Variants in ANK3 observed in about 807,000 individuals in gnomAD.
ANK3 encodes the protein ankyrin 3.
A neutral mutation model predicts 370.9 loss-of-function variants in ANK3; 57 were observed. That is an observed-to-expected ratio of 0.15 (90% CI 0.12 to 0.19). The LOEUF (loss-of-function observed/expected upper bound fraction) is 0.19, where lower values mean the gene tolerates loss of function less well. ANK3 is among the 10% of genes least tolerant of loss of function. The pLI, the probability that ANK3 is intolerant of heterozygous loss-of-function variation, is 1.00. For synonymous variants in ANK3, 1,929 were observed against 1,946.3 expected (o/e 0.99, Z 0.23); for missense variants, 4,439 against 5,302.1 (o/e 0.84, Z 5.06).
At chr10:60,353,430 T>G (rs1466578164) in intron 1 of ANK3, among the ~76,000 whole-genome samples, 1 of 152,198 alleles carries the variant, frequency 6.6e-6, no homozygotes, top group East Asian at 1.9e-4. Flanking sequence ...CAAACTTTCC[T>G]TGGTTACCCC....
chr10:60,105,601 T>C (rs1367258210), intron 28 of ANK3, among the ~76,000 whole-genome samples: 4 of 152,222 alleles, frequency 2.6e-5, no homozygotes, highest in African/African-American at 4.8e-5. Context: ...TTTCCATTAT[T>C]ATTTCACCCT....
chr10:60,213,470 T>A lies in ANK3; in HGVS notation c.938A>T (p.His313Leu). 6.2e-7 allele frequency: 1 copy of A among 1,612,786 alleles called. No homozygotes were observed. Among genetic ancestry groups the A allele is most frequent in the Non-Finnish European group, 8.5e-7 (1 of 1,179,298 alleles). ...AAGCAACATTTCTACCACCTGCTCG[T>A]GGCCACTCCTTGCTCCACAGTGCAG... ...TPLHCGARSG[H>L]EQVVEMLLDR... The change falls in exon 9 of 44, where the codon CAC becomes CTC. Residue 313 changes from histidine (H) to leucine (L), a missense_variant. By Grantham distance (99) the His-to-Leu change is moderately conservative (BLOSUM62 -3). Coordinates refer to ENST00000280772, the MANE Select transcript of ANK3 (RefSeq NM_020987.5).
At chr10:60,598,247 T>C (rs1400801799) in intron 2 of ANK3, among the ~76,000 whole-genome samples, 1 of 152,204 alleles carries the variant, frequency 6.6e-6, no homozygotes, top group African/African-American at 2.4e-5. Flanking sequence ...CCATACACAG[T>C]GTATCAACAA....
At chr10:60,291,272 A>G (rs1288739485) in intron 1 of ANK3, among the ~76,000 whole-genome samples, 1 of 152,172 alleles carries the variant, frequency 6.6e-6, no homozygotes, top group South Asian at 2.1e-4. Context: ...TGTCTCTTAG[A>G]GGATATAAAA....
intron 2 of ANK3, among the ~76,000 whole-genome samples, chr10:60,499,447 C>CA: frequency 6.6e-6 from 1 of 152,192 alleles, no homozygotes; most frequent in East Asian, 1.9e-4. Context: ...CTCAACTTTT[C>CA]AAAAAACTAT....
chr10:60,155,695 T>G (rs2095309269), intron 23 of ANK3, among the ~76,000 whole-genome samples: 1 of 152,182 alleles, frequency 6.6e-6, no homozygotes, highest in Admixed American at 6.5e-5. Flanking sequence ...TCCATCTGGA[T>G]GGGCACATCT....
intron 33 of ANK3, among the ~76,000 whole-genome samples, chr10:60,083,078 T>C (rs1326606636): frequency 6.6e-6 from 1 of 152,166 alleles, no homozygotes; most frequent in African/African-American, 2.4e-5. Flanking sequence ...ACAAAACAAT[T>C]TTCCTCTCTC....
At chr10:60,339,254 T>C (rs1432010572) in intron 1 of ANK3, among the ~76,000 whole-genome samples, 2 of 152,176 alleles carry the variant, frequency 1.3e-5, no homozygotes, top group Non-Finnish European at 2.9e-5. Flanking sequence ...CCAATCATAT[T>C]TCTGGATTGT....
chr10:60,482,505 T>A (rs1595120254), intron 2 of ANK3, among the ~76,000 whole-genome samples: 1 of 150,682 alleles, frequency 6.6e-6, no homozygotes, highest in South Asian at 2.1e-4. Flanking sequence ...ATTTTTTTTT[T>A]AAGACAGAGT....
chr10:60,177,593 C>CTTTTTT (rs771714886), intron 18 of ANK3, among the ~76,000 whole-genome samples: 42,177 of 105,630 alleles, frequency 0.4, 9,941 homozygotes, highest in East Asian at 0.48. Flanking sequence ...GTCTTCAAAT[C>CTTTTTT]TTTTTTTTTT....
chr10:60,221,376 G>A (rs1436753192), intron 8 of ANK3, among the ~76,000 whole-genome samples: 1 of 152,020 alleles, frequency 6.6e-6, no homozygotes, highest in African/African-American at 2.4e-5. Context: ...CATCGTGCCT[G>A]GCCTGATTTT....
chr10:60,532,024 G>A (rs2076616986), intron 2 of ANK3, among the ~76,000 whole-genome samples: 1 of 152,120 alleles, frequency 6.6e-6, no homozygotes, highest in Non-Finnish European at 1.5e-5. Flanking sequence ...ACAGGCACCT[G>A]GGCCTCAGAT....
chr10:60,336,410 T>A (rs889126346), intron 1 of ANK3, among the ~76,000 whole-genome samples: 1 of 152,218 alleles, frequency 6.6e-6, no homozygotes, highest in Non-Finnish European at 1.5e-5. Flanking sequence ...CAATACAGAA[T>A]GTAAACTGTA....
At chr10:60,387,671 C>T (rs1365934110) in intron 1 of ANK3, among the ~76,000 whole-genome samples, 1 of 152,114 alleles carries the variant, frequency 6.6e-6, no homozygotes, top group Non-Finnish European at 1.5e-5. Context: ...CTCCTTGTTC[C>T]CTTCTGGTTG....
intron 2 of ANK3, among the ~76,000 whole-genome samples, chr10:60,518,794 G>T (rs574465020): frequency 2.6e-5 from 4 of 151,464 alleles, no homozygotes; most frequent in Admixed American, 6.6e-5. Context: ...AAATTTTTTT[G>T]ATGGAAACAG....
intron 43 of ANK3, among the ~76,000 whole-genome samples, chr10:60,040,244 A>T (rs184331494): frequency 6.6e-6 from 1 of 152,116 alleles, no homozygotes; most frequent in South Asian, 2.1e-4. Context: ...TGATGTTACC[A>T]TCTAAGACTC....
intron 17 of ANK3, among the ~76,000 whole-genome samples, chr10:60,186,142 G>C (rs1184852683): frequency 6.6e-6 from 1 of 152,132 alleles, no homozygotes; most frequent in Non-Finnish European, 1.5e-5. Context: ...ATAAAGCAAA[G>C]GGCTACAATT....
chr10:60,373,840 T>C (rs141614438), intron 1 of ANK3, among the ~76,000 whole-genome samples: 22 of 152,188 alleles, frequency 1.4e-4, no homozygotes, highest in African/African-American at 5.1e-4. Context: ...CTTTCAGTCC[T>C]GGGCAAACCA....
chr10:60,064,375 GA>G, intron 38 of ANK3, 87 bp from the exon 39 acceptor site: 1 of 1,355,792 alleles, frequency 7.4e-7, no homozygotes. Context: ...GCCACAAAAA[GA>G]AAAGGGAATT....
Sources: gnomAD v4.1 joint callset for allele counts (sites outside exome capture counted in the v4.1 genomes callset) on GRCh38, gnomAD v4.1.1 for gene constraint, MANE v1.5 for transcripts, NCBI Gene and HGNC (gene_info 2026-07-23, HGNC 2026-07-21) for gene names.